Variants in XKR6 observed in about 807,000 individuals in gnomAD.
XKR6 encodes the protein XK related 6, also known as XK-related protein 6.
XKR6 carries 22 observed loss-of-function variants against 56.7 expected under a neutral mutation model. The observed-to-expected ratio is 0.39, with a 90% CI of 0.28 to 0.55. The LOEUF is 0.55. XKR6 is among the 20% of genes least tolerant of loss of function. XKR6 has a pLI of 0.66. For synonymous variants in XKR6, 524 were observed against 387.8 expected (o/e 1.35, Z -4.13); for missense variants, 852 against 889.0 (o/e 0.96, Z 0.53).
intron 1 of XKR6, among the ~76,000 whole-genome samples, chr8:11,186,183 C>T (rs947503557): frequency 1.3e-5 from 2 of 151,764 alleles, no homozygotes; most frequent in African/African-American, 4.8e-5. Flanking sequence ...CACATTCATG[C>T]CCCCCCATCC....
intron 1 of XKR6, chr8:11,108,277 G>T (rs1252453804): frequency 2.2e-6 from 1 of 455,978 alleles, no homozygotes; most frequent in African/African-American, 2.0e-5. Context: ...TGTGAATCTT[G>T]ACCATTTTCC....
chr8:11,154,682 A>AT (rs1035222848), intron 1 of XKR6, among the ~76,000 whole-genome samples: 7 of 152,256 alleles, frequency 4.6e-5, no homozygotes, highest in East Asian at 1.9e-4. Context: ...CAGTCAGTGT[A>AT]TTTTTTACAG....
chr8:10,951,517 C>T (rs1801723961), intron 1 of XKR6, among the ~76,000 whole-genome samples: 1 of 152,242 alleles, frequency 6.6e-6, no homozygotes, highest in Admixed American at 6.5e-5. Context: ...CAGTGGCTAC[C>T]AGTCTGTTTC....
chr8:11,008,495 A>G (rs1798425288), intron 1 of XKR6, among the ~76,000 whole-genome samples: 2 of 136,570 alleles, frequency 1.5e-5, no homozygotes, highest in Non-Finnish European at 3.0e-5. Flanking sequence ...ATCTTTGCTC[A>G]CTGCAACCTG....
chr8:11,033,292 GTGA>G (rs1311383017), intron 1 of XKR6, among the ~76,000 whole-genome samples: 1 of 148,894 alleles, frequency 6.7e-6, no homozygotes, highest in Non-Finnish European at 1.5e-5. Flanking sequence ...GATAGTGATG[GTGA>G]TGGTGGTGGT....
At chr8:11,000,304 G>C (rs568376169) in intron 1 of XKR6, among the ~76,000 whole-genome samples, 1 of 152,282 alleles carries the variant, frequency 6.6e-6, no homozygotes, top group South Asian at 2.1e-4. Context: ...AGTTTGCAAG[G>C]CTGAAATGGT....
chr8:11,191,863 C>T (rs774690129), intron 1 of XKR6, among the ~76,000 whole-genome samples: 2 of 151,978 alleles, frequency 1.3e-5, no homozygotes, highest in Admixed American at 6.6e-5. Context: ...GATGATTTTA[C>T]GAATTAAGGA....
At chr8:10,972,619 C>T (rs1802440498) in intron 1 of XKR6, among the ~76,000 whole-genome samples, 2 of 152,174 alleles carry the variant, frequency 1.3e-5, no homozygotes, top group African/African-American at 4.8e-5. Context: ...CACAAAAGGA[C>T]GAATACTGTA....
chr8:11,141,749 A>C (rs1800710014), intron 1 of XKR6, among the ~76,000 whole-genome samples: 1 of 152,158 alleles, frequency 6.6e-6, no homozygotes, highest in Non-Finnish European at 1.5e-5. Context: ...ATAGCCCTTG[A>C]CTGGTGACCC....
intron 1 of XKR6, among the ~76,000 whole-genome samples, chr8:11,087,810 G>A (rs1374322580): frequency 6.6e-6 from 1 of 152,220 alleles, no homozygotes; most frequent in Admixed American, 6.5e-5. Context: ...CATCTCCACT[G>A]ATAAGTAGTG....
At chr8:10,901,021 A>G (rs1255818797) in intron 2 of XKR6, among the ~76,000 whole-genome samples, 2 of 119,070 alleles carry the variant, frequency 1.7e-5, no homozygotes, top group African/African-American at 6.4e-5. Context: ...TAAGATTTTT[A>G]TTTTTATTTT....
intron 1 of XKR6, among the ~76,000 whole-genome samples, chr8:11,053,796 C>G (rs765403677): frequency 6.6e-6 from 1 of 152,182 alleles, no homozygotes; most frequent in Admixed American, 6.5e-5. Flanking sequence ...TTTGCCATTC[C>G]TTCTCTCCAG....
intron 1 of XKR6, among the ~76,000 whole-genome samples, chr8:11,048,738 CCT>C (rs770221767): frequency 1.9e-4 from 29 of 152,176 alleles, no homozygotes; most frequent in Non-Finnish European, 2.8e-4. Context: ...TGTGCTACCC[CCT>C]GTCCTGTGAA....
At chr8:11,059,033 G>C (rs1355442810) in intron 1 of XKR6, among the ~76,000 whole-genome samples, 1 of 152,220 alleles carries the variant, frequency 6.6e-6, no homozygotes, top group Non-Finnish European at 1.5e-5. Flanking sequence ...AGCGGCCCAA[G>C]CCCTTGGGCC....
chr8:11,066,385 T>C (rs181311638), intron 1 of XKR6, among the ~76,000 whole-genome samples: 521 of 152,374 alleles, frequency 3.4e-3, no homozygotes, highest in Middle Eastern at 6.8e-3. Context: ...AAACATTGTC[T>C]GTTCTTGATT....
intron 1 of XKR6, among the ~76,000 whole-genome samples, chr8:11,033,336 GGTGGTGGTGATGATGATGATGA>G (rs1799044594): frequency 2.7e-5 from 4 of 145,978 alleles, no homozygotes; most frequent in African/African-American, 1.1e-4. Flanking sequence ...TGATGGTGAT[GGTGGTGGTGATGATGATGATGA>G]CGATAGTGAT....
intron 1 of XKR6, among the ~76,000 whole-genome samples, chr8:11,196,432 AC>A (rs1166932788): frequency 4.6e-5 from 7 of 151,422 alleles, no homozygotes; most frequent in Non-Finnish European, 8.8e-5. Flanking sequence ...ACAAAACAAA[AC>A]AAAAAAAACA....
At chr8:10,948,324 G>T (rs758354645) in intron 1 of XKR6, among the ~76,000 whole-genome samples, 4 of 152,162 alleles carry the variant, frequency 2.6e-5, no homozygotes, top group Non-Finnish European at 5.9e-5. Flanking sequence ...ATCCCATGCA[G>T]CTGTTGGTCC....
intron 1 of XKR6, among the ~76,000 whole-genome samples, chr8:11,002,078 AAAAC>A (rs1798253390): frequency 6.9e-6 from 1 of 145,892 alleles, no homozygotes; most frequent in Non-Finnish European, 1.5e-5. Flanking sequence ...AAAAAAAAAA[AAAAC>A]ACACAAAAAA....
Sources: allele counts gnomAD v4.1 joint callset (sites outside exome capture counted in the v4.1 genomes callset), GRCh38; gene constraint gnomAD v4.1.1; transcripts MANE v1.5; gene names NCBI Gene and HGNC (gene_info 2026-07-23, HGNC 2026-07-21).